The following MATCAP2 variants were observed in gnomAD, a reference collection of about 807,000 sequenced individuals.
The protein encoded by MATCAP2 is putative tyrosine carboxypeptidase MATCAP2.
the MATCAP2 span, among the ~76,000 whole-genome samples, chr7:36,377,790 T>C: frequency 6.6e-6 from 1 of 152,186 alleles, no homozygotes; most frequent in Non-Finnish European, 1.5e-5. Context: ...CTTGGAGGCT[T>C]TGTTCGTTTC....
chr7:36,334,444 G>A, the MATCAP2 span, among the ~76,000 whole-genome samples: 2 of 142,858 alleles, frequency 1.4e-5, no homozygotes, highest in Non-Finnish European at 3.0e-5. Flanking sequence ...CTGAGGTGAA[G>A]AGGATCACTT....
At chr7:36,378,141 C>T in the MATCAP2 span, among the ~76,000 whole-genome samples, 79 of 152,302 alleles carry the variant, frequency 5.2e-4, no homozygotes, top group African/African-American at 1.6e-3. Flanking sequence ...AACTTTGTTC[C>T]GTTGCTGGCG....
chr7:36,330,039 G>A, the MATCAP2 span, among the ~76,000 whole-genome samples: 9 of 133,148 alleles, frequency 6.8e-5, no homozygotes, highest in Admixed American at 2.5e-4. Context: ...AAACTGTGCC[G>A]ATCTTTTTTT....
At chr7:36,388,474 T>C in the MATCAP2 span, among the ~76,000 whole-genome samples, 1 of 152,226 alleles carries the variant, frequency 6.6e-6, no homozygotes, top group South Asian at 2.1e-4. Context: ...ACTGCTAAGA[T>C]GGACATATTA....
At chr7:36,390,179 C>T in the MATCAP2 span, 6 of 1,481,560 alleles carry the variant, frequency 4.0e-6, no homozygotes, top group Non-Finnish European at 4.6e-6. Flanking sequence ...GTGTGCGGGC[C>T]GGGGTCGCCG....
chr7:36,381,670 C>CAAA, the MATCAP2 span, among the ~76,000 whole-genome samples: 2 of 76,378 alleles, frequency 2.6e-5, no homozygotes, highest in East Asian at 7.3e-4. Context: ...GACTCCATCT[C>CAAA]AAAAAAAAAA....
chr7:36,343,999 T>C, the MATCAP2 span, among the ~76,000 whole-genome samples: 1 of 152,130 alleles, frequency 6.6e-6, no homozygotes, highest in Non-Finnish European at 1.5e-5. Context: ...GACAGCAATA[T>C]ATACCTAAAA....
chr7:36,364,756 G>A, the MATCAP2 span, among the ~76,000 whole-genome samples: 1 of 152,320 alleles, frequency 6.6e-6, no homozygotes, highest in East Asian at 1.9e-4. Flanking sequence ...GTTTCTGGCT[G>A]TCCAAACTGG....
chr7:36,374,972 C>T, the MATCAP2 span, among the ~76,000 whole-genome samples: 2 of 152,138 alleles, frequency 1.3e-5, no homozygotes, highest in Admixed American at 6.5e-5. Context: ...CAAGCCTTTG[C>T]TATTGTGAAT....
the MATCAP2 span, chr7:36,324,698 C>CTACTT: frequency 3.7e-4 from 56 of 152,304 alleles, no homozygotes; most frequent in Admixed American, 3.1e-3. Flanking sequence ...TAATCTGAAA[C>CTACTT]TACTTTTGGT....
At chr7:36,344,754 T>G in the MATCAP2 span, among the ~76,000 whole-genome samples, 2 of 152,212 alleles carry the variant, frequency 1.3e-5, no homozygotes, top group Non-Finnish European at 2.9e-5. Flanking sequence ...TAGGGATGAT[T>G]GTTAGCAGGA....
At chr7:36,326,580 C>A in the MATCAP2 span, 1 of 440,702 alleles carries the variant, frequency 2.3e-6, no homozygotes, top group Non-Finnish European at 3.9e-6. Flanking sequence ...CCTATAGAAA[C>A]ATTTTAGGGA....
At chr7:36,352,821 A>G in the MATCAP2 span, among the ~76,000 whole-genome samples, 1 of 144,438 alleles carries the variant, frequency 6.9e-6, no homozygotes, top group Non-Finnish European at 1.5e-5. Context: ...TGAGACTCCC[A>G]TCTCAAAAAA....
chr7:36,388,893 C>T, the MATCAP2 span, among the ~76,000 whole-genome samples: 151 of 152,210 alleles, frequency 9.9e-4, no homozygotes, highest in Non-Finnish European at 1.9e-3. Flanking sequence ...TGTGCATGAA[C>T]GCTTCACACA....
the MATCAP2 span, among the ~76,000 whole-genome samples, chr7:36,358,435 T>G: frequency 5.9e-5 from 9 of 152,332 alleles, no homozygotes; most frequent in African/African-American, 2.2e-4. Flanking sequence ...TATGAATAAC[T>G]GGTTGATTTT....
chr7:36,334,410 C>T, the MATCAP2 span, among the ~76,000 whole-genome samples: 1 of 151,582 alleles, frequency 6.6e-6, no homozygotes, highest in African/African-American at 2.4e-5. Flanking sequence ...TGGTGTGCAC[C>T]TGGGGTCCCA....
the MATCAP2 span, chr7:36,390,102 C>T: frequency 6.2e-7 from 1 of 1,611,534 alleles, no homozygotes; most frequent in African/African-American, 1.3e-5. Flanking sequence ...CCCCACCCAC[C>T]TTCCTCTGTC....
chr7:36,326,166 A>G, the MATCAP2 span: 5 of 152,172 alleles, frequency 3.3e-5, no homozygotes, highest in African/African-American at 7.2e-5. Context: ...TTTAGTTCCT[A>G]TAAGCTGATA....
At chr7:36,372,987 C>A in the MATCAP2 span, among the ~76,000 whole-genome samples, 351 of 151,998 alleles carry the variant, frequency 2.3e-3, no homozygotes, top group Admixed American at 2.6e-3. Context: ...TGCCTGTAGT[C>A]CCAGCTACTC....
Sources: gnomAD v4.1 joint callset for allele counts (sites outside exome capture counted in the v4.1 genomes callset) on GRCh38, gnomAD v4.1.1 for gene constraint, MANE v1.5 for transcripts, NCBI Gene and HGNC (gene_info 2026-07-23, HGNC 2026-07-21) for gene names.